Variants in RAB6A observed in about 807,000 individuals in gnomAD.
The protein encoded by RAB6A is ras-related protein Rab-6A.
A neutral mutation model predicts 32.3 loss-of-function variants in RAB6A; 8 were observed. That is an observed-to-expected ratio of 0.25 (90% CI 0.15 to 0.45). RAB6A has a LOEUF of 0.45. RAB6A is among the 20% of genes least tolerant of loss of function. The probability of loss-of-function intolerance (pLI) is 1.00; values close to 1 mark genes in which losing one functional copy is unlikely to be tolerated. For missense variants in RAB6A, 104 were observed against 249.4 expected, an observed-to-expected ratio of 0.42 and a Z score of 3.93; for synonymous variants, 73 against 82.1, an observed-to-expected ratio of 0.89 and a Z score of 0.60.
chr11:73,679,649 G>T lies in RAB6A; in HGVS notation c.562+5C>A. On this transcript the variant is annotated splice_donor_5th_base_variant and intron_variant, in intron 7 of 7. Coordinates refer to ENST00000336083, the MANE Select transcript of RAB6A (RefSeq NM_198896.2). ...GAAAAATTTCCAATGAAATAAAAAG[G>T]ATACTATCTTCTCTGCTTCTGTCCT... is the stretch of plus-strand genomic sequence containing the variant. 1 of 1,613,906 alleles carries T rather than the reference G, an allele frequency of 6.2e-7. No homozygotes were observed. The highest frequency in any genetic ancestry group is 8.5e-7 in the Non-Finnish European group (1 of 1,179,818).
At chr11:73,710,697 A>G (rs961601289) in intron 5 of RAB6A, among the ~76,000 whole-genome samples, 89 of 151,772 alleles carry the variant, frequency 5.9e-4, no homozygotes, top group African/African-American at 2.1e-3. Context: ...AGGTTGTGCT[A>G]TTGCACTCCA....
intron 1 of RAB6A, among the ~76,000 whole-genome samples, chr11:73,752,790 C>T (rs1331160060): frequency 6.6e-6 from 1 of 150,428 alleles, no homozygotes; most frequent in Admixed American, 6.6e-5. Flanking sequence ...TGCACTCAAG[C>T]CTGGGTGACA....
intron 2 of RAB6A, 22 bp from the exon 3 acceptor site, chr11:73,720,921 T>C (rs774698552): frequency 1.3e-6 from 2 of 1,567,012 alleles, no homozygotes; most frequent in East Asian, 2.3e-5. Context: ...AACAAAGAAG[T>C]TAACAAATAA....
chr11:73,733,592 A>G (rs922591409), intron 1 of RAB6A, among the ~76,000 whole-genome samples: 1 of 151,772 alleles, frequency 6.6e-6, no homozygotes, highest in Admixed American at 6.6e-5. Context: ...TAAATAAATA[A>G]AGAGAATGGA....
chr11:73,739,616 G>T (rs984134246), intron 1 of RAB6A, among the ~76,000 whole-genome samples: 2 of 151,808 alleles, frequency 1.3e-5, no homozygotes, highest in Admixed American at 6.6e-5. Context: ...TTAAAAGTTA[G>T]ATAAACTAAT....
At chr11:73,693,149 G>A (rs1328677944) in intron 6 of RAB6A, among the ~76,000 whole-genome samples, 2 of 151,928 alleles carry the variant, frequency 1.3e-5, no homozygotes, top group African/African-American at 2.4e-5. Context: ...TTAGCCATGC[G>A]TGGTGGCACA....
rs373292474 is a variant in RAB6A at position 73,759,658 on chromosome 11, G to A, written c.70+908C>T. ...CATTGGAAAATACTCAAGAAGGAAT[G>A]AATAATTAACATTTCCCCAGTAATT... is the stretch of plus-strand genomic sequence containing the variant. On this transcript the variant is annotated intron_variant, in intron 1 of 7. Coordinates refer to ENST00000336083, the MANE Select transcript of RAB6A (RefSeq NM_198896.2). 2.1e-4 allele frequency among the ~76,000 whole-genome samples: 32 copies of A among 152,200 alleles called. No homozygotes were observed. The East Asian group carries it at 3.9e-3, about 18-fold the overall frequency.
intron 1 of RAB6A, among the ~76,000 whole-genome samples, chr11:73,743,032 G>A (rs895396565): frequency 7.2e-5 from 11 of 152,024 alleles, no homozygotes; most frequent in African/African-American, 1.9e-4. Context: ...GGCCAAGCAC[G>A]GTGGCTCACG....
chr11:73,704,228 T>C (rs1166655523), intron 6 of RAB6A: 2 of 417,152 alleles, frequency 4.8e-6, no homozygotes, highest in Non-Finnish European at 9.6e-6. Context: ...GGAAAAAAAT[T>C]AAAAATTAGC....
intron 1 of RAB6A, among the ~76,000 whole-genome samples, chr11:73,751,777 G>C (rs1399897185): frequency 6.6e-6 from 1 of 152,098 alleles, no homozygotes; most frequent in Non-Finnish European, 1.5e-5. Flanking sequence ...TCACCTCCAA[G>C]AACACTGACA....
At chr11:73,730,166 G>C (rs1946282161) in intron 2 of RAB6A, 1 of 152,124 alleles carries the variant, frequency 6.6e-6, no homozygotes, top group Non-Finnish European at 1.5e-5. Flanking sequence ...CTGTCGCTTT[G>C]GGTTTAGTTT....
Position 73,707,493 on chromosome 11 carries a change from C to G in RAB6A, c.422G>C (p.Gly141Ala), listed in dbSNP as rs921237937. The G allele has an allele frequency of 1.2e-6, 2 of 1,612,840 alleles. No homozygotes were observed. Among genetic ancestry groups the G allele is most frequent in the Non-Finnish European group, 1.7e-6 (2 of 1,178,968 alleles). Reference protein sequence around the residue: ...ADKRQVSIEEGERKAKELNVM... With the variant: ...ADKRQVSIEEAERKAKELNVM... ...ATTCAGCTCTTTGGCTTTCCTCTCT[C>G]CCTCCTCAATTGACACTTGCCTGTA... Residue 141 changes from glycine to alanine, a missense_variant, in exon 6 of 8, where the codon GGA becomes GCA. Physicochemically the swap from Gly to Ala is moderately conservative, Grantham distance 60. Transcript: ENST00000336083.
At chr11:73,695,915 T>C (rs1408463353) in intron 6 of RAB6A, among the ~76,000 whole-genome samples, 1 of 152,220 alleles carries the variant, frequency 6.6e-6, no homozygotes, top group African/African-American at 2.4e-5. Flanking sequence ...TTTCAGGCCA[T>C]AATTTTAGGG....
chr11:73,701,091 T>C (rs1263547963), intron 6 of RAB6A, among the ~76,000 whole-genome samples: 2 of 152,108 alleles, frequency 1.3e-5, no homozygotes, highest in African/African-American at 4.8e-5. Flanking sequence ...TATAATCTAG[T>C]AAATGAGGAA....
intron 6 of RAB6A, among the ~76,000 whole-genome samples, chr11:73,705,687 T>C (rs531693588): frequency 1.5e-4 from 23 of 152,234 alleles, no homozygotes; most frequent in African/African-American, 3.4e-4. Context: ...TTTAACTGTC[T>C]GTGGCTCCTA....
At chr11:73,721,577 A>G (rs1395245876) in intron 2 of RAB6A, among the ~76,000 whole-genome samples, 1 of 152,310 alleles carries the variant, frequency 6.6e-6, no homozygotes, top group East Asian at 1.9e-4. Context: ...AAAGAAAGGA[A>G]AAAAAGTATA....
chr11:73,728,743 G>A (rs948800155), intron 2 of RAB6A, among the ~76,000 whole-genome samples: 1 of 151,490 alleles, frequency 6.6e-6, no homozygotes, highest in Non-Finnish European at 1.5e-5. Flanking sequence ...ATATTCATAG[G>A]GGATATTGGT....
intron 1 of RAB6A, among the ~76,000 whole-genome samples, chr11:73,753,015 T>C (rs748755840): frequency 3.9e-5 from 6 of 152,086 alleles, no homozygotes; most frequent in Admixed American, 6.6e-5. Flanking sequence ...AGTCAGGAGC[T>C]TGAGGCGGGA....
chr11:73,695,237 A>G (rs1419404237), intron 6 of RAB6A, among the ~76,000 whole-genome samples: 1 of 151,660 alleles, frequency 6.6e-6, no homozygotes, highest in Non-Finnish European at 1.5e-5. Flanking sequence ...TAAAAAAAAG[A>G]AAAACCTATT....
Sources: allele counts gnomAD v4.1 joint callset (sites outside exome capture counted in the v4.1 genomes callset), GRCh38; gene constraint gnomAD v4.1.1; transcripts MANE v1.5; gene names NCBI Gene and HGNC (gene_info 2026-07-23, HGNC 2026-07-21).